The following DNAJC6 variants were observed in gnomAD, a reference collection of about 807,000 sequenced individuals.
DNAJC6 encodes the protein auxilin.
In DNAJC6, 34 loss-of-function variants were observed where a neutral mutation model predicts 110.0. That is an observed-to-expected ratio of 0.31 (90% CI 0.24 to 0.41). The LOEUF is 0.41. Among genes scored for constraint, DNAJC6 ranks in the 10% least tolerant of loss-of-function variants. The pLI, the probability that DNAJC6 is intolerant of heterozygous loss-of-function variation, is 1.00. For missense variants in DNAJC6, 1,031 were observed against 1,207.8 expected (o/e 0.85, Z 2.17); for synonymous variants, 406 against 437.2 (o/e 0.93, Z 0.89).
chr1:65,297,703 G>A (rs1644941188), intron 1 of DNAJC6, among the ~76,000 whole-genome samples: 1 of 152,186 alleles, frequency 6.6e-6, no homozygotes. Flanking sequence ...AAACCAGACT[G>A]CCCATGTAGG....
At chr1:65,302,024 C>T (rs1438530856) in intron 1 of DNAJC6, among the ~76,000 whole-genome samples, 1 of 147,710 alleles carries the variant, frequency 6.8e-6, no homozygotes, top group African/African-American at 2.5e-5. Context: ...GTTTTGTTTA[C>T]TATGTCGAGG....
intron 12 of DNAJC6, among the ~76,000 whole-genome samples, chr1:65,393,643 G>A (rs771052267): frequency 1.3e-5 from 2 of 152,038 alleles, no homozygotes; most frequent in Admixed American, 6.6e-5. Context: ...AGGATTTTTT[G>A]ACATTTATAA....
At chr1:65,313,027 T>C (rs1201219075) in intron 1 of DNAJC6, among the ~76,000 whole-genome samples, 2 of 152,006 alleles carry the variant, frequency 1.3e-5, no homozygotes, top group Non-Finnish European at 2.9e-5. Flanking sequence ...CTCGGACTCC[T>C]GGTCTCAAGT....
At chr1:65,378,367 C>T (rs963278181) in intron 4 of DNAJC6, among the ~76,000 whole-genome samples, 7 of 152,172 alleles carry the variant, frequency 4.6e-5, no homozygotes, top group Non-Finnish European at 1.0e-4. Context: ...CCAGTCCTGA[C>T]TGCAGGGCTT....
chr1:65,362,230 C>G (rs775011498), intron 1 of DNAJC6, among the ~76,000 whole-genome samples: 19 of 148,240 alleles, frequency 1.3e-4, no homozygotes, highest in Non-Finnish European at 1.3e-4. Flanking sequence ...TGATCTATAA[C>G]ATAGGAATAA....
At chr1:65,362,816 A>G (rs1645610867) in intron 1 of DNAJC6, among the ~76,000 whole-genome samples, 1 of 152,224 alleles carries the variant, frequency 6.6e-6, no homozygotes, top group African/African-American at 2.4e-5. Flanking sequence ...TCCTTCCTGT[A>G]TCAGCCTGCA....
At chr1:65,388,570 CT>C (rs1645894125) in intron 9 of DNAJC6, among the ~76,000 whole-genome samples, 155 bp downstream of exon 9, 1 of 152,152 alleles carries the variant, frequency 6.6e-6, no homozygotes, top group South Asian at 2.1e-4. Context: ...CATTCTAAAG[CT>C]TTCAGTTGAA....
At chr1:65,396,507 C>T (rs955886187) in intron 13 of DNAJC6, among the ~76,000 whole-genome samples, 1 of 152,124 alleles carries the variant, frequency 6.6e-6, no homozygotes, top group African/African-American at 2.4e-5. Context: ...TGGCTGTTTC[C>T]TCTGCCTCAT....
At position 65,309,551 on chromosome 1, in the gene DNAJC6, C is replaced by G. The variant is rs944049034; in HGVS notation, c.-195C>G. On this transcript the variant is annotated 5_prime_UTR_variant, in exon 1 of 19. Coordinates refer to ENST00000371069, the MANE Select transcript of DNAJC6 (RefSeq NM_001256864.2). ...CCTCCTCCCGGCGCCCCGAGCCGAG[C>G]TCAGCCCAGGGCGGCGGCTTCGCCT... The G allele has an allele frequency of 8.1e-7, 1 of 1,228,402 alleles. No individual in the cohort carries two copies. Among genetic ancestry groups the G allele is most frequent in the African/African-American group, 1.6e-5 (1 of 61,416 alleles). The allele number at this position is 1,228,402 out of a possible 1,614,324, so 76.1% of individuals were successfully genotyped here.
In DNAJC6 at chr1:65,365,954, TA is replaced by T. The variant is rs773388617; in HGVS notation, c.394+22del. The T allele has an allele frequency of 6.2e-6, 10 of 1,613,302 alleles. No individual in the cohort carries two copies. Among genetic ancestry groups the T allele is most frequent in the Non-Finnish European group, 8.5e-6 (10 of 1,179,600 alleles). ...TTATTGGTAAGTTTCTCATGTTTAT[TA>T]ACAGTCCTTTGGCTCAGTTTCCCGT... On this transcript the variant is annotated intron_variant, in intron 3 of 18. Coordinates refer to ENST00000371069, the MANE Select transcript of DNAJC6 (RefSeq NM_001256864.2).
intron 1 of DNAJC6, among the ~76,000 whole-genome samples, chr1:65,281,024 C>T (rs768118326): frequency 6.6e-5 from 10 of 152,102 alleles, no homozygotes; most frequent in Non-Finnish European, 1.0e-4. Context: ...CAACCTCTGC[C>T]TCCTGGGTTC....
Position 65,389,649 on chromosome 1 carries a change from A to G in DNAJC6, c.1468+22A>G, listed in dbSNP as rs770826929. 5.6e-6 allele frequency: 9 copies of G among 1,610,310 alleles called. No individual in the cohort carries two copies. The East Asian group carries it at 2.0e-4, about 36-fold the overall frequency. Reference sequence around the variant, plus strand: ...CAAGGTATTTACAAGTGTTTCTTTAAGTCACATGGTTTGATGATTATGTAT... The same window carrying G: ...CAAGGTATTTACAAGTGTTTCTTTAGGTCACATGGTTTGATGATTATGTAT... On this transcript the variant is annotated intron_variant, in intron 11 of 18. Coordinates refer to ENST00000371069, the MANE Select transcript of DNAJC6 (RefSeq NM_001256864.2).
chr1:65,390,382 C>A (rs993774591), intron 11 of DNAJC6, among the ~76,000 whole-genome samples: 4 of 152,222 alleles, frequency 2.6e-5, no homozygotes, highest in African/African-American at 9.6e-5. Flanking sequence ...AAACACTTGG[C>A]CTGTATATCT....
chr1:65,407,420 G>A (rs1262856331), intron 16 of DNAJC6, among the ~76,000 whole-genome samples: 1 of 152,090 alleles, frequency 6.6e-6, no homozygotes, highest in Non-Finnish European at 1.5e-5. Flanking sequence ...GACACAGATC[G>A]ATGAAGTAAT....
chr1:65,277,250 T>C (rs1275508313), intron 1 of DNAJC6, among the ~76,000 whole-genome samples: 3 of 152,164 alleles, frequency 2.0e-5, no homozygotes, highest in Non-Finnish European at 2.9e-5. Flanking sequence ...ATATGTTGAT[T>C]TTTAGTTACT....
chr1:65,275,899 CTT>C (rs34750466), intron 1 of DNAJC6, among the ~76,000 whole-genome samples: 3 of 138,782 alleles, frequency 2.2e-5, no homozygotes, highest in Non-Finnish European at 1.6e-5. Context: ...CTATTAGATT[CTT>C]TTTTTTTTTT....
chr1:65,273,462 G>A (rs866519584), intron 1 of DNAJC6, among the ~76,000 whole-genome samples: 4 of 152,152 alleles, frequency 2.6e-5, no homozygotes, highest in African/African-American at 4.8e-5. Context: ...AGTTGAGCAC[G>A]GTGGTATGTG....
intron 1 of DNAJC6, among the ~76,000 whole-genome samples, chr1:65,302,622 G>A (rs971754748): frequency 1.1e-4 from 15 of 136,250 alleles, no homozygotes; most frequent in Non-Finnish European, 1.8e-4. Context: ...TGCAAGCTCC[G>A]CTTCCCGGGT....
At chr1:65,329,005 T>G (rs1165757047) in intron 1 of DNAJC6, among the ~76,000 whole-genome samples, 1 of 152,216 alleles carries the variant, frequency 6.6e-6, no homozygotes, top group East Asian at 1.9e-4. Flanking sequence ...TTCCTCTTTG[T>G]GGCACTTTTC....
Sources: gnomAD v4.1 joint callset for allele counts (sites outside exome capture counted in the v4.1 genomes callset) on GRCh38, gnomAD v4.1.1 for gene constraint, MANE v1.5 for transcripts, NCBI Gene and HGNC (gene_info 2026-07-23, HGNC 2026-07-21) for gene names.